Variants in UBAC1 observed in about 807,000 individuals in gnomAD.
UBAC1 encodes UBA domain containing 1.
UBAC1 carries 27 observed loss-of-function variants against 45.9 expected under a neutral mutation model. The ratio of observed to expected loss-of-function variants is 0.59; its 90% confidence interval spans 0.43 to 0.81. The LOEUF (loss-of-function observed/expected upper bound fraction) is 0.81, where lower values mean the gene tolerates loss of function less well. Among genes scored for constraint, UBAC1 ranks in the 30% least tolerant of loss-of-function variants. UBAC1 has a pLI of 0.00. For missense variants in UBAC1, 529 were observed against 539.2 expected, an observed-to-expected ratio of 0.98 and a Z score of 0.19; for synonymous variants, 227 against 215.5, an observed-to-expected ratio of 1.05 and a Z score of -0.47.
At chr9:135,943,281 G>A (rs556584396) in intron 7 of UBAC1, among the ~76,000 whole-genome samples, 4 of 152,088 alleles carry the variant, frequency 2.6e-5, no homozygotes, top group South Asian at 4.1e-4. Flanking sequence ...TTAGCTGGGC[G>A]TGGTGGGTGT....
chr9:135,933,679 C>T (rs1374870121), intron 9 of UBAC1, among the ~76,000 whole-genome samples, 164 bp from the exon 10 acceptor site: 1 of 152,202 alleles, frequency 6.6e-6, no homozygotes. Flanking sequence ...CTGAAACCCA[C>T]CCAACTCCAT....
At chr9:135,945,610 AAT>A (rs998687530) in intron 6 of UBAC1, 6 of 535,956 alleles carry the variant, frequency 1.1e-5, no homozygotes, top group Non-Finnish European at 1.7e-5. Flanking sequence ...CTCACACGGG[AAT>A]CCTGAGAAGA....
chr9:135,961,134 G>T lies in UBAC1; in HGVS notation c.29C>A (p.Ala10Glu). Residue 10 changes from alanine (A) to glutamate (E), a missense_variant, in exon 1 of 10, where the codon GCG (alanine) becomes GAG (glutamate). By Grantham distance (107) the Ala-to-Glu change is moderately radical. Coordinates refer to ENST00000371756, the MANE Select transcript of UBAC1 (RefSeq NM_016172.3). ...GATGTGCAGCCGCAGCACCTTGCCCGCGAAGATCTTCTCCTCCTGCACGAA... is the reference window on the plus strand; with the variant it reads ...GATGTGCAGCCGCAGCACCTTGCCCTCGAAGATCTTCTCCTCCTGCACGAA... MFVQEEKIF[A>E]GKVLRLHICA... 1 of 1,585,196 alleles carries T rather than the reference G, an allele frequency of 6.3e-7. No homozygotes were observed.
In UBAC1 at chr9:135,938,497, G is replaced by T; in HGVS notation, c.964-137C>A. On this transcript the variant is annotated intron_variant, in intron 8 of 9. Transcript: ENST00000371756. ...CCCCAGGGCTGATCTCCCTGGAAGG[G>T]ACTCTACCGTGAAGACAAACGCAGT... 3 of 1,147,656 alleles carry T rather than the reference G, an allele frequency of 2.6e-6. No homozygotes were observed. In the South Asian group the frequency reaches 4.8e-5, roughly 18 times the overall value. 71.1% of individuals were successfully genotyped at this position (1,147,656 alleles called of 1,614,324 possible).
rs765685887 is a variant in UBAC1 at position 135,939,732 on chromosome 9, AC to A, written c.903del (p.Phe302SerfsTer6). ...GCATCTATCACCTCTTTCTCGTCGA[AC>A]CCCATCTCCATCAGGGAAATGACGG... ...ARAVISLMEM[G>X]FDEKEVIDAL... is the part of the protein sequence containing the mutation. On this transcript the variant is annotated frameshift_variant, in exon 8 of 10. Transcript: ENST00000371756. LOFTEE classifies it high-confidence loss of function. 6 of 1,613,842 alleles carry A rather than the reference AC, an allele frequency of 3.7e-6. No individual in the cohort carries two copies. The highest frequency in any genetic ancestry group is 5.1e-6 in the Non-Finnish European group (6 of 1,179,806).
Position 135,945,215 on chromosome 9 carries a change from T to C in UBAC1, c.689A>G (p.Glu230Gly). The stretch of plus-strand genomic sequence containing the variant: ...GTCTATGGTCGGGTCTTCTGCGTGT[T>C]CAATTAGCCACTCCATGGCCTGAGG... ...SVPQAMEWLIEHAEDPTIDTP... is the reference protein window; with the variant it reads ...SVPQAMEWLIGHAEDPTIDTP... Residue 230 changes from glutamate (E) to glycine (G), a missense_variant, in exon 7 of 10, where the codon GAA becomes GGA. By Grantham distance (98) the Glu-to-Gly change is moderately conservative (BLOSUM62 -2). Coordinates refer to ENST00000371756, the MANE Select transcript of UBAC1 (RefSeq NM_016172.3). 6.2e-7 allele frequency: 1 copy of C among 1,605,912 alleles called. No individual in the cohort carries two copies. The highest frequency in any genetic ancestry group is 8.5e-7 in the Non-Finnish European group (1 of 1,175,696).
intron 1 of UBAC1, among the ~76,000 whole-genome samples, chr9:135,960,765 C>A (rs1286072430): frequency 6.6e-6 from 1 of 152,186 alleles, no homozygotes; most frequent in Non-Finnish European, 1.5e-5. Flanking sequence ...GGGCGGCTGG[C>A]ACGGGGCGAG....
intron 3 of UBAC1, among the ~76,000 whole-genome samples, chr9:135,949,332 C>G (rs766502016): frequency 3.3e-5 from 5 of 152,140 alleles, no homozygotes; most frequent in Non-Finnish European, 7.4e-5. Context: ...GAAAAGAAAA[C>G]AAGGAGATCA....
At chr9:135,957,729 T>C (rs1302301782) in intron 1 of UBAC1, among the ~76,000 whole-genome samples, 1 of 151,308 alleles carries the variant, frequency 6.6e-6, no homozygotes, top group Non-Finnish European at 1.5e-5. Flanking sequence ...ACAGCTATAC[T>C]AGCGGGTACT....
intron 9 of UBAC1, among the ~76,000 whole-genome samples, chr9:135,934,047 A>T (rs1839177593): frequency 6.6e-6 from 1 of 152,262 alleles, no homozygotes; most frequent in African/African-American, 2.4e-5. Flanking sequence ...CTGTTTCCCC[A>T]AAACAGGTGG....
intron 8 of UBAC1, 74 bp from the exon 9 acceptor site, chr9:135,938,434 T>C (rs1354656624): frequency 6.5e-7 from 1 of 1,548,328 alleles, no homozygotes; most frequent in Non-Finnish European, 8.7e-7. Flanking sequence ...GCAGCAGGCA[T>C]GACAGCTCCT....
At chr9:135,956,726 C>T (rs1347885610) in intron 1 of UBAC1, among the ~76,000 whole-genome samples, 1 of 152,208 alleles carries the variant, frequency 6.6e-6, no homozygotes, top group African/African-American at 2.4e-5. Flanking sequence ...ACAAAATACC[C>T]ACAGTTTCCA....
At chr9:135,944,626 G>A (rs760205646) in intron 7 of UBAC1, among the ~76,000 whole-genome samples, 1 of 152,202 alleles carries the variant, frequency 6.6e-6, no homozygotes, top group South Asian at 2.1e-4. Flanking sequence ...GGACACCCCC[G>A]ACGGCAAATG....
At position 135,949,548 on chromosome 9, in the gene UBAC1, G is replaced by A. The variant is rs542249827; in HGVS notation, c.334-1643C>T. On this transcript the variant is annotated intron_variant, in intron 3 of 9. Transcript: ENST00000371756. ...GGAGGCGGCTGGTGCAGGGAGGAGC[G>A]GCTCAGAGCTGCCTCACGTACTGCA... 3.9e-5 allele frequency among the ~76,000 whole-genome samples: 6 copies of A among 152,334 alleles called. No individual in the cohort carries two copies. The East Asian group carries it at 9.6e-4, about 24-fold the overall frequency.
intron 3 of UBAC1, among the ~76,000 whole-genome samples, chr9:135,950,917 A>AC (rs1488789357): frequency 6.6e-5 from 10 of 152,096 alleles, no homozygotes; most frequent in Admixed American, 5.2e-4. Flanking sequence ...ACACGGTGAG[A>AC]CCCCATGTCT....
chr9:135,948,827 T>A (rs1394465324), intron 3 of UBAC1, among the ~76,000 whole-genome samples: 2 of 152,154 alleles, frequency 1.3e-5, no homozygotes, highest in Non-Finnish European at 2.9e-5. Flanking sequence ...CCCAGCACTT[T>A]GGGAGGCCAA....
At chr9:135,944,376 G>A (rs901064987) in intron 7 of UBAC1, among the ~76,000 whole-genome samples, 1 of 152,204 alleles carries the variant, frequency 6.6e-6, no homozygotes, top group Non-Finnish European at 1.5e-5. Flanking sequence ...CCAAGGAAAC[G>A]ATCAGTGCCA....
chr9:135,956,574 C>G (rs891728571), intron 1 of UBAC1, among the ~76,000 whole-genome samples: 2 of 152,074 alleles, frequency 1.3e-5, no homozygotes, highest in African/African-American at 4.8e-5. Context: ...CCATACAGCC[C>G]GACACACGAC....
Position 135,945,042 on chromosome 9 carries a change from G to GA in UBAC1, c.861dup (p.Arg288SerfsTer3). 2 of 1,613,708 alleles carry GA rather than the reference G, an allele frequency of 1.2e-6. No homozygotes were observed. Among genetic ancestry groups the GA allele is most frequent in the Non-Finnish European group, 1.7e-6 (2 of 1,179,844 alleles). On this transcript the variant is annotated frameshift_variant, in exon 7 of 10. Coordinates refer to ENST00000371756, the MANE Select transcript of UBAC1 (RefSeq NM_016172.3). LOFTEE classifies it high-confidence loss of function. ...GTAACACATACCCGAGCATCAGCCCGAAACTCCCTTTTCCTCCGGATCTTC... is the reference window on the plus strand; with the variant it reads ...GTAACACATACCCGAGCATCAGCCCGAAAACTCCCTTTTCCTCCGGATCTTC...
Sources: gnomAD v4.1 joint callset for allele counts (sites outside exome capture counted in the v4.1 genomes callset) on GRCh38, gnomAD v4.1.1 for gene constraint, MANE v1.5 for transcripts, NCBI Gene and HGNC (gene_info 2026-07-23, HGNC 2026-07-21) for gene names.